ZNF732: variants seen among roughly 807,000 people sequenced by gnomAD.
ZNF732 encodes the protein zinc finger protein 732, also known as zinc finger protein LOC654254.
In ZNF732, 12 loss-of-function variants were observed where a neutral mutation model predicts 11.5. The observed-to-expected ratio is 1.05, with a 90% CI of 0.67 to 1.70. The LOEUF is 1.70. ZNF732 is among the 40% of genes most tolerant of loss of function. ZNF732 has a pLI of 0.00. For missense variants in ZNF732, 702 were observed against 676.9 expected, an observed-to-expected ratio of 1.04 and a Z score of -0.41; for synonymous variants, 231 against 236.5, an observed-to-expected ratio of 0.98 and a Z score of 0.21.
At position 299,461 on chromosome 4, in the gene ZNF732, G is replaced by A. The variant is rs201311653; in HGVS notation, c.4-3306C>T. On this transcript the variant is annotated intron_variant, in intron 1 of 3. Transcript: ENST00000419098. ...TATATATATATATATACACATATGT[G>A]TATATATATATACACATATATACAC... Among the ~76,000 whole-genome samples, 48 of 83,532 alleles carry A rather than the reference G, an allele frequency of 5.7e-4. 4 individuals are homozygous for A. Among genetic ancestry groups the A allele is most frequent in the South Asian group, 3.0e-3 (8 of 2,676 alleles). The allele number at this position is 83,532 out of a possible 152,430, so 54.8% of individuals were successfully genotyped here.
At chr4:296,718 T>C (rs1719960438) in intron 1 of ZNF732, among the ~76,000 whole-genome samples, 1 of 152,170 alleles carries the variant, frequency 6.6e-6, no homozygotes, top group Non-Finnish European at 1.5e-5. Flanking sequence ...TGAAAAGAGT[T>C]CATGAATTAG....
At chr4:305,087 G>C (rs1450136762) in intron 1 of ZNF732, among the ~76,000 whole-genome samples, 1 of 152,196 alleles carries the variant, frequency 6.6e-6, no homozygotes, top group Non-Finnish European at 1.5e-5. Flanking sequence ...GGAAGGTGCG[G>C]GGCTGCGGGC....
chr4:304,481 A>G (rs1013168101), intron 1 of ZNF732, among the ~76,000 whole-genome samples: 1 of 151,938 alleles, frequency 6.6e-6, no homozygotes, highest in Non-Finnish European at 1.5e-5. Context: ...CAATGCTCCA[A>G]CCCCAACGCG....
intron 3 of ZNF732, among the ~76,000 whole-genome samples, chr4:295,079 G>A (rs557498581): frequency 2.6e-5 from 4 of 152,076 alleles, no homozygotes; most frequent in African/African-American, 9.6e-5. Flanking sequence ...TTTTAGACAT[G>A]TACAAAAAGA....
intron 3 of ZNF732, among the ~76,000 whole-genome samples, chr4:278,926 A>G (rs925255712): frequency 6.6e-6 from 1 of 152,086 alleles, no homozygotes; most frequent in East Asian, 1.9e-4. Flanking sequence ...GTAAATATAT[A>G]TATCTCCTTT....
chr4:291,395 G>C (rs1407330997), intron 3 of ZNF732, among the ~76,000 whole-genome samples: 4 of 151,812 alleles, frequency 2.6e-5, no homozygotes, highest in Non-Finnish European at 5.9e-5. Flanking sequence ...ATACAAATAT[G>C]TTTCATTTCC....
intron 1 of ZNF732, among the ~76,000 whole-genome samples, chr4:298,108 T>C (rs1553842716): frequency 6.6e-6 from 1 of 152,236 alleles, no homozygotes; most frequent in East Asian, 1.9e-4. Context: ...AGAAGCTAAA[T>C]ATTTATTCTT....
chr4:281,879 G>T (rs1368534742), intron 3 of ZNF732, among the ~76,000 whole-genome samples: 1 of 152,062 alleles, frequency 6.6e-6, no homozygotes, highest in Non-Finnish European at 1.5e-5. Flanking sequence ...CTAAAAAATG[G>T]CTAACAGAGA....
chr4:300,478 A>G (rs1720093884), intron 1 of ZNF732, among the ~76,000 whole-genome samples: 1 of 151,716 alleles, frequency 6.6e-6, no homozygotes, highest in Non-Finnish European at 1.5e-5. Flanking sequence ...AAAAAAAGAA[A>G]AGAAAAGAAA....
intron 3 of ZNF732, among the ~76,000 whole-genome samples, chr4:278,489 T>G (rs1034977984): frequency 1.3e-5 from 2 of 152,222 alleles, no homozygotes; most frequent in Admixed American, 1.3e-4. Context: ...AATATTAAAT[T>G]TGAACTCAAC....
At chr4:299,391 G>A (rs141010732) in intron 1 of ZNF732, among the ~76,000 whole-genome samples, 6,482 of 29,914 alleles carry the variant, frequency 0.22, 489 homozygotes, top group South Asian at 0.3. Flanking sequence ...ATACACATAT[G>A]TACACATATG....
intron 3 of ZNF732, among the ~76,000 whole-genome samples, chr4:289,000 G>A (rs1719787332): frequency 6.6e-6 from 1 of 152,084 alleles, no homozygotes; most frequent in Non-Finnish European, 1.5e-5. Flanking sequence ...GATTTAATTC[G>A]CTCATGGATC....
chr4:297,629 A>C (rs1465035138), intron 1 of ZNF732, among the ~76,000 whole-genome samples: 1 of 151,640 alleles, frequency 6.6e-6, no homozygotes, highest in East Asian at 1.9e-4. Context: ...AAAAAAAAAA[A>C]AAACTGCAGG....
chr4:273,474 T>A (rs575869299), intron 3 of ZNF732, among the ~76,000 whole-genome samples: 1 of 152,032 alleles, frequency 6.6e-6, no homozygotes, highest in African/African-American at 2.4e-5. Context: ...GATGTACAAA[T>A]TTTTAAAATG....
At chr4:302,997 T>A (rs1553843818) in intron 1 of ZNF732, among the ~76,000 whole-genome samples, 1 of 152,154 alleles carries the variant, frequency 6.6e-6, no homozygotes, top group Non-Finnish European at 1.5e-5. Context: ...AGGACTTAAC[T>A]TGTGCAAGCT....
At chr4:292,669 AT>A (rs199550710) in intron 3 of ZNF732, among the ~76,000 whole-genome samples, 4,524 of 151,802 alleles carry the variant, frequency 0.03, 114 homozygotes, top group Non-Finnish European at 0.04. Context: ...AAAAGGTTAG[AT>A]TTTTTCCCCC....
intron 3 of ZNF732, among the ~76,000 whole-genome samples, chr4:287,018 G>A (rs984859997): frequency 6.6e-5 from 10 of 152,026 alleles, no homozygotes; most frequent in Non-Finnish European, 1.2e-4. Context: ...GGGCGTGGTG[G>A]TGCACGCCTG....
intron 3 of ZNF732, among the ~76,000 whole-genome samples, chr4:292,466 A>G (rs1719858156): frequency 6.6e-6 from 1 of 151,740 alleles, no homozygotes; most frequent in African/African-American, 2.4e-5. Flanking sequence ...CTGAGGCAGA[A>G]GAATCACTTG....
intron 3 of ZNF732, among the ~76,000 whole-genome samples, chr4:278,581 A>G (rs1719548920): frequency 6.6e-6 from 1 of 152,244 alleles, no homozygotes; most frequent in Admixed American, 6.5e-5. Context: ...TTTCTATTTC[A>G]ATCTATTCCT....
Sources: allele counts gnomAD v4.1 joint callset (sites outside exome capture counted in the v4.1 genomes callset), GRCh38; gene constraint gnomAD v4.1.1; transcripts MANE v1.5; gene names NCBI Gene and HGNC (gene_info 2026-07-23, HGNC 2026-07-21).